Variants in ZNF385D observed in about 807,000 individuals in gnomAD.
ZNF385D encodes zinc finger protein 385D.
Under a neutral mutation model 35.8 loss-of-function variants are expected in ZNF385D, and 15 were observed. That is an observed-to-expected ratio of 0.42 (90% confidence interval 0.28 to 0.64). ZNF385D has a LOEUF of 0.64. Among genes scored for constraint, ZNF385D ranks in the 30% least tolerant of loss-of-function variants. The probability of loss-of-function intolerance (pLI) is 0.23; values close to 1 mark genes in which losing one functional copy is unlikely to be tolerated. For missense variants in ZNF385D, 474 were observed against 494.6 expected, an observed-to-expected ratio of 0.96 and a Z score of 0.39; for synonymous variants, 212 against 186.8, an observed-to-expected ratio of 1.13 and a Z score of -1.10.
At chr3:21,469,130 A>C (rs111523959) in intron 4 of ZNF385D, among the ~76,000 whole-genome samples, 3,230 of 152,224 alleles carry the variant, frequency 0.021, 52 homozygotes, top group South Asian at 0.047. Context: ...AGATTTGTCT[A>C]CTCATTGAAC....
intron 2 of ZNF385D, among the ~76,000 whole-genome samples, chr3:21,570,270 TTCTA>T (rs1467312447): frequency 1.3e-5 from 2 of 152,138 alleles, no homozygotes; most frequent in African/African-American, 4.8e-5. Context: ...ACCTTTGCAT[TTCTA>T]TCTAAGGCCT....
intron 3 of ZNF385D, among the ~76,000 whole-genome samples, chr3:21,766,153 T>A (rs922245542): frequency 2.0e-5 from 3 of 152,084 alleles, no homozygotes; most frequent in African/African-American, 7.2e-5. Context: ...TAACAATGGT[T>A]TCTGCAGGAA....
chr3:21,554,150 A>G (rs1559398314), intron 3 of ZNF385D, among the ~76,000 whole-genome samples: 1 of 152,290 alleles, frequency 6.6e-6, no homozygotes, highest in South Asian at 2.1e-4. Flanking sequence ...ATCACTATCT[A>G]TGGTAGCTAT....
intron 3 of ZNF385D, among the ~76,000 whole-genome samples, chr3:21,875,199 G>A (rs1024857368): frequency 2.4e-4 from 37 of 152,020 alleles, no homozygotes; most frequent in Admixed American, 2.4e-3. Flanking sequence ...TCTAGAAACA[G>A]AGATAATTTT....
chr3:22,312,630 G>C (rs1018355381), intron 2 of ZNF385D, among the ~76,000 whole-genome samples: 20 of 152,218 alleles, frequency 1.3e-4, no homozygotes, highest in East Asian at 3.9e-4. Context: ...GACATTTACG[G>C]AGCCAAAAAC....
intron 3 of ZNF385D, among the ~76,000 whole-genome samples, chr3:22,003,953 A>G (rs936068505): frequency 5.8e-4 from 47 of 81,300 alleles, no homozygotes; most frequent in Admixed American, 3.1e-3. Flanking sequence ...AATCCTGAGT[A>G]AAAAAAAACA....
At chr3:21,757,783 T>TTCAC (rs1338546256) in intron 3 of ZNF385D, among the ~76,000 whole-genome samples, 1 of 152,206 alleles carries the variant, frequency 6.6e-6, no homozygotes, top group Non-Finnish European at 1.5e-5. Flanking sequence ...AACTCATTCA[T>TTCAC]TCACTGGTTA....
At chr3:21,904,841 G>A (rs1308068074) in intron 3 of ZNF385D, among the ~76,000 whole-genome samples, 1 of 152,024 alleles carries the variant, frequency 6.6e-6, no homozygotes, top group Admixed American at 6.6e-5. Flanking sequence ...ATAAGAAAAT[G>A]TTTGCATTAT....
At chr3:21,636,536 T>A (rs1031594523) in intron 2 of ZNF385D, among the ~76,000 whole-genome samples, 1 of 151,124 alleles carries the variant, frequency 6.6e-6, no homozygotes, top group Non-Finnish European at 1.5e-5. Context: ...AGTCTGACGT[T>A]CAAGGGCAGG....
chr3:21,589,399 G>A (rs1030467402), intron 2 of ZNF385D, among the ~76,000 whole-genome samples: 2 of 152,064 alleles, frequency 1.3e-5, no homozygotes, highest in African/African-American at 2.4e-5. Context: ...TAAAAATAAA[G>A]AAATGAATTT....
intron 3 of ZNF385D, among the ~76,000 whole-genome samples, chr3:21,947,315 G>C (rs868528428): frequency 1.3e-5 from 2 of 151,868 alleles, no homozygotes; most frequent in Non-Finnish European, 2.9e-5. Flanking sequence ...ATAAAGTTAT[G>C]TCTTTCAAGG....
chr3:22,329,331 A>T (rs1694828582), intron 2 of ZNF385D, among the ~76,000 whole-genome samples: 1 of 152,122 alleles, frequency 6.6e-6, no homozygotes, highest in African/African-American at 2.4e-5. Context: ...TTTCCTCACC[A>T]ATTTAAATAC....
intron 3 of ZNF385D, among the ~76,000 whole-genome samples, chr3:21,971,173 A>G (rs1358974265): frequency 6.6e-6 from 1 of 152,082 alleles, no homozygotes; most frequent in Admixed American, 6.6e-5. Context: ...ACACAATATT[A>G]TAACAAACAC....
intron 3 of ZNF385D, among the ~76,000 whole-genome samples, chr3:22,127,700 T>C (rs550042759): frequency 1.4e-4 from 21 of 152,262 alleles, no homozygotes; most frequent in African/African-American, 5.1e-4. Flanking sequence ...TATAATCTAT[T>C]ATTTTAAATT....
intron 2 of ZNF385D, among the ~76,000 whole-genome samples, chr3:21,566,527 G>A (rs934679309): frequency 6.6e-6 from 1 of 152,082 alleles, no homozygotes; most frequent in Admixed American, 6.6e-5. Flanking sequence ...GTATTCGGGA[G>A]GCTGAGGCAG....
chr3:22,108,693 TAA>T (rs1326586826), intron 3 of ZNF385D, among the ~76,000 whole-genome samples: 2 of 152,104 alleles, frequency 1.3e-5, no homozygotes, highest in African/African-American at 4.8e-5. Flanking sequence ...CACCAAGTTA[TAA>T]AGTCTAAATA....
At chr3:21,590,160 A>G (rs2063928096) in intron 2 of ZNF385D, among the ~76,000 whole-genome samples, 1 of 152,186 alleles carries the variant, frequency 6.6e-6, no homozygotes, top group Non-Finnish European at 1.5e-5. Context: ...TTAGCTACAC[A>G]GCACAATAAG....
At chr3:21,837,054 A>G (rs1279114989) in intron 3 of ZNF385D, among the ~76,000 whole-genome samples, 1 of 152,124 alleles carries the variant, frequency 6.6e-6, no homozygotes, top group Non-Finnish European at 1.5e-5. Context: ...CAAGGTATGT[A>G]TCCTTAAAGC....
intron 1 of ZNF385D, among the ~76,000 whole-genome samples, chr3:21,693,081 C>A (rs9824766): frequency 0.015 from 2,316 of 152,292 alleles, 76 homozygotes; most frequent in African/African-American, 0.052. Flanking sequence ...ACCCAGAGAA[C>A]TCCTTGCCTA....
Sources: gnomAD v4.1 joint callset for allele counts (sites outside exome capture counted in the v4.1 genomes callset) on GRCh38, gnomAD v4.1.1 for gene constraint, MANE v1.5 for transcripts, NCBI Gene and HGNC (gene_info 2026-07-23, HGNC 2026-07-21) for gene names.